Variants in ERBB4 observed in about 807,000 individuals in gnomAD.
ERBB4 encodes the protein receptor tyrosine-protein kinase erbB-4.
ERBB4 carries 42 observed loss-of-function variants against 158.0 expected under a neutral mutation model. The ratio of observed to expected loss-of-function variants is 0.27; its 90% CI spans 0.21 to 0.34. ERBB4 has a LOEUF of 0.34. ERBB4 is among the 10% of genes least tolerant of loss of function. ERBB4 has a pLI of 1.00. For synonymous variants in ERBB4, 583 were observed against 558.7 expected (o/e 1.04, Z -0.61); for missense variants, 1,333 against 1,624.1 (o/e 0.82, Z 3.08).
intron 25 of ERBB4, among the ~76,000 whole-genome samples, chr2:211,389,498 C>T (rs2062757400): frequency 6.6e-6 from 1 of 152,142 alleles, no homozygotes; most frequent in Non-Finnish European, 1.5e-5. Flanking sequence ...AATCAAGGGA[C>T]ATGGTCTGAA....
chr2:211,466,349 T>TTA (rs1553540111), intron 20 of ERBB4, among the ~76,000 whole-genome samples: 3 of 127,962 alleles, frequency 2.3e-5, no homozygotes, highest in Admixed American at 1.5e-4. Context: ...TTTTTTTTTT[T>TTA]AAAAAAAAAA....
chr2:212,188,235 C>CTCTCTCTCTCTCTCT (rs1559691606), intron 1 of ERBB4, among the ~76,000 whole-genome samples: 1 of 8,608 alleles, frequency 1.2e-4, no homozygotes, highest in African/African-American at 3.2e-4. Context: ...TCTCTCTCTC[C>CTCTCTCTCTCTCTCT]CCCCCCCTCT....
chr2:212,426,617 C>T (rs2091918664), intron 1 of ERBB4, among the ~76,000 whole-genome samples: 1 of 152,052 alleles, frequency 6.6e-6, no homozygotes. Flanking sequence ...TTATATCTAA[C>T]ATCACTGATC....
At chr2:212,224,729 T>G (rs10185271) in intron 1 of ERBB4, among the ~76,000 whole-genome samples, 73,206 of 151,492 alleles carry the variant, frequency 0.48, 18,074 homozygotes, top group East Asian at 0.76. Context: ...AACGAAAAAG[T>G]AAGGAATTTA....
intron 1 of ERBB4, among the ~76,000 whole-genome samples, chr2:212,290,286 GA>G (rs1302852892): frequency 1.3e-5 from 2 of 152,118 alleles, no homozygotes; most frequent in East Asian, 3.9e-4. Flanking sequence ...CTGTAAGTCT[GA>G]CCAGTATCGT....
chr2:212,536,800 C>T (rs1332790484), intron 1 of ERBB4, among the ~76,000 whole-genome samples: 1 of 152,100 alleles, frequency 6.6e-6, no homozygotes, highest in Non-Finnish European at 1.5e-5. Flanking sequence ...CCCAGTAGGT[C>T]GCCTCGTAGA....
chr2:212,124,187 T>A (rs567144639), intron 2 of ERBB4, among the ~76,000 whole-genome samples: 1 of 152,338 alleles, frequency 6.6e-6, no homozygotes, highest in Admixed American at 6.5e-5. Context: ...TCTGAGCAAC[T>A]TCAAGTATAC....
intron 3 of ERBB4, among the ~76,000 whole-genome samples, chr2:211,907,603 G>A (rs2079431363): frequency 6.6e-6 from 1 of 151,144 alleles, no homozygotes; most frequent in Non-Finnish European, 1.5e-5. Flanking sequence ...TTTCTACTTG[G>A]ATATTTAGGA....
chr2:211,905,681 TACACAC>T (rs1553663425), intron 3 of ERBB4, among the ~76,000 whole-genome samples: 12 of 110,626 alleles, frequency 1.1e-4, no homozygotes, highest in South Asian at 2.6e-4. Context: ...TATATATATA[TACACAC>T]ATATATGTGT....
chr2:212,313,574 A>T (rs2106244091), intron 1 of ERBB4, among the ~76,000 whole-genome samples: 1 of 150,954 alleles, frequency 6.6e-6, no homozygotes, highest in South Asian at 2.1e-4. Context: ...AAATGTCTCA[A>T]CTTAAAATAA....
At chr2:211,814,161 G>A (rs1486835518) in intron 3 of ERBB4, among the ~76,000 whole-genome samples, 3 of 152,002 alleles carry the variant, frequency 2.0e-5, no homozygotes, top group African/African-American at 7.2e-5. Flanking sequence ...ATACACCTTA[G>A]GCATATATAT....
intron 1 of ERBB4, among the ~76,000 whole-genome samples, chr2:212,461,970 G>A (rs1688598605): frequency 6.6e-6 from 1 of 152,178 alleles, no homozygotes. Flanking sequence ...TGATTGTGAG[G>A]CTTCCCTAGC....
chr2:212,142,455 A>G (rs1296944691), intron 1 of ERBB4, among the ~76,000 whole-genome samples: 1 of 151,648 alleles, frequency 6.6e-6, no homozygotes, highest in Non-Finnish European at 1.5e-5. Context: ...GTTATTTCTG[A>G]TGCTCAGAAT....
intron 1 of ERBB4, among the ~76,000 whole-genome samples, chr2:212,365,715 C>T (rs1016602078): frequency 1.3e-5 from 2 of 151,772 alleles, no homozygotes; most frequent in Admixed American, 6.6e-5. Flanking sequence ...ATCCTTGTTT[C>T]GGTTTATACA....
intron 3 of ERBB4, among the ~76,000 whole-genome samples, chr2:211,861,018 A>T (rs13384004): frequency 0.079 from 1,567 of 19,750 alleles, 93 homozygotes; most frequent in East Asian, 0.34. Context: ...TTATATATTT[A>T]TATATATATA....
intron 1 of ERBB4, among the ~76,000 whole-genome samples, chr2:212,477,594 T>A (rs1306543625): frequency 2.6e-5 from 4 of 152,208 alleles, no homozygotes; most frequent in Non-Finnish European, 5.9e-5. Flanking sequence ...TTTTAAATGA[T>A]AAGAAAACAT....
chr2:212,319,933 T>G (rs777472893), intron 1 of ERBB4, among the ~76,000 whole-genome samples: 6 of 150,290 alleles, frequency 4.0e-5, no homozygotes, highest in Non-Finnish European at 9.0e-5. Context: ...ACTCTCATCT[T>G]TTCAAGATCT....
At position 212,538,040 on chromosome 2, in the gene ERBB4, CACCGCCCCAGG is replaced by C. The variant is rs542922032; in HGVS notation, c.82+398_82+408del. Among the ~76,000 whole-genome samples, 99 of 152,270 alleles carry C rather than the reference CACCGCCCCAGG, an allele frequency of 6.5e-4. 1 individual carries two copies. In the South Asian group the frequency reaches 0.02, roughly 31 times the overall value. Reference sequence around the variant, plus strand: ...CTCGGCTCGGGAGAGGCCCAGCCAGCACCGCCCCAGGACCGCGGCCCCGGCGGTGCGGGTTC... The same window carrying C: ...CTCGGCTCGGGAGAGGCCCAGCCAGCACCGCGGCCCCGGCGGTGCGGGTTC... On this transcript the variant is annotated intron_variant, in intron 1 of 27. Coordinates refer to ENST00000342788, the MANE Select transcript of ERBB4 (RefSeq NM_005235.3).
intron 1 of ERBB4, among the ~76,000 whole-genome samples, chr2:212,379,744 T>C (rs1173475734): frequency 2.0e-5 from 3 of 151,364 alleles, no homozygotes; most frequent in East Asian, 1.9e-4. Flanking sequence ...CCCTGATATT[T>C]TGGGGGAAAA....
Sources: gnomAD v4.1 joint callset for allele counts (sites outside exome capture counted in the v4.1 genomes callset) on GRCh38, gnomAD v4.1.1 for gene constraint, MANE v1.5 for transcripts, NCBI Gene and HGNC (gene_info 2026-07-23, HGNC 2026-07-21) for gene names.